PRUNE2: variants seen among roughly 807,000 people sequenced by gnomAD.
PRUNE2 encodes the protein protein prune homolog 2.
Under a neutral mutation model 252.0 loss-of-function variants are expected in PRUNE2, and 164 were observed. The ratio of observed to expected loss-of-function variants is 0.65; its 90% CI spans 0.57 to 0.74. The LOEUF is 0.74. Among genes scored for constraint, PRUNE2 ranks in the 30% least tolerant of loss-of-function variants. The probability of loss-of-function intolerance (pLI) is 0.00; values close to 1 mark genes in which losing one functional copy is unlikely to be tolerated. For missense variants in PRUNE2, 3,495 were observed against 3,711.0 expected, an observed-to-expected ratio of 0.94 and a Z score of 1.51; for synonymous variants, 1,292 against 1,350.2, an observed-to-expected ratio of 0.96 and a Z score of 0.94.
intron 6 of PRUNE2, chr9:76,740,482 G>A (rs1462123585): frequency 6.6e-6 from 1 of 150,856 alleles, no homozygotes; most frequent in East Asian, 2.0e-4. Flanking sequence ...AGGCATTGAA[G>A]GGTCATCTGG....
At chr9:76,830,161 A>G (rs1184629465) in intron 4 of PRUNE2, among the ~76,000 whole-genome samples, 1 of 152,230 alleles carries the variant, frequency 6.6e-6, no homozygotes, top group Non-Finnish European at 1.5e-5. Context: ...GAAAACAACC[A>G]TACTGAAGCA....
intron 3 of PRUNE2, among the ~76,000 whole-genome samples, chr9:76,846,920 G>A (rs1421842499): frequency 1.3e-5 from 2 of 152,116 alleles, no homozygotes; most frequent in African/African-American, 4.8e-5. Flanking sequence ...CCTGTGCTGT[G>A]CTCTTGGAAA....
chr9:76,633,455 T>C (rs1230987298), intron 15 of PRUNE2, among the ~76,000 whole-genome samples: 1 of 151,286 alleles, frequency 6.6e-6, no homozygotes, highest in Non-Finnish European at 1.5e-5. Flanking sequence ...GTGGTACATA[T>C]CTGTGGTCCC....
At chr9:76,768,611 GTGTGTGTGTGTGTA>G (rs1341923940) in intron 6 of PRUNE2, among the ~76,000 whole-genome samples, 4 of 150,478 alleles carry the variant, frequency 2.7e-5, no homozygotes, top group Admixed American at 6.6e-5. Flanking sequence ...GTGTGTGTGT[GTGTGTGTGTGTGTA>G]TATCCCTGCT....
At chr9:76,622,432 A>T (rs1419551626) in intron 17 of PRUNE2, among the ~76,000 whole-genome samples, 1 of 152,236 alleles carries the variant, frequency 6.6e-6, no homozygotes, top group African/African-American at 2.4e-5. Context: ...GCAAGATTTC[A>T]TGGTAATAAT....
At chr9:76,697,170 G>C (rs533617584) in intron 9 of PRUNE2, among the ~76,000 whole-genome samples, 6 of 152,220 alleles carry the variant, frequency 3.9e-5, no homozygotes, top group African/African-American at 1.2e-4. Context: ...CACTAGTTGT[G>C]ATGTTTCAAG....
At chr9:76,731,280 C>CTCTA (rs1182228208) in intron 6 of PRUNE2, among the ~76,000 whole-genome samples, 2,246 of 86,814 alleles carry the variant, frequency 0.026, 57 homozygotes, top group Non-Finnish European at 0.036. Flanking sequence ...TATTCCCTCT[C>CTCTA]TCTATCTATC....
intron 2 of PRUNE2, among the ~76,000 whole-genome samples, chr9:76,852,928 T>C (rs1589592744): frequency 6.6e-6 from 1 of 152,314 alleles, no homozygotes; most frequent in Non-Finnish European, 1.5e-5. Context: ...GTAGTGGTGG[T>C]ATTATTGTTA....
intron 1 of PRUNE2, among the ~76,000 whole-genome samples, chr9:76,857,443 C>G (rs1002420263): frequency 6.6e-6 from 1 of 152,064 alleles, no homozygotes; most frequent in Non-Finnish European, 1.5e-5. Flanking sequence ...GTGGACCAGA[C>G]AGAAAGGGAC....
intron 1 of PRUNE2, among the ~76,000 whole-genome samples, chr9:76,886,948 C>A (rs1007684419): frequency 6.6e-6 from 1 of 152,172 alleles, no homozygotes; most frequent in African/African-American, 2.4e-5. Flanking sequence ...TCATCCTCAT[C>A]ATTAGAGCAC....
intron 1 of PRUNE2, among the ~76,000 whole-genome samples, chr9:76,871,243 T>C (rs1005709257): frequency 1.3e-5 from 2 of 152,264 alleles, no homozygotes; most frequent in Non-Finnish European, 2.9e-5. Context: ...GTTGTATCTG[T>C]ACTGAACATA....
intron 1 of PRUNE2, among the ~76,000 whole-genome samples, chr9:76,872,739 C>A (rs755521115): frequency 7.9e-5 from 12 of 151,780 alleles, no homozygotes; most frequent in Non-Finnish European, 1.8e-4. Context: ...TAAAATATCC[C>A]AGGAAACAAA....
At chr9:76,667,404 G>A (rs1183653089) in intron 9 of PRUNE2, among the ~76,000 whole-genome samples, 2 of 152,202 alleles carry the variant, frequency 1.3e-5, no homozygotes, top group Non-Finnish European at 2.9e-5. Flanking sequence ...GAACTGGCTG[G>A]GCTGGCAGCA....
intron 2 of PRUNE2, among the ~76,000 whole-genome samples, chr9:76,851,665 G>T (rs1001936982): frequency 1.3e-5 from 2 of 151,964 alleles, no homozygotes; most frequent in Non-Finnish European, 2.9e-5. Context: ...AATTCAGAAC[G>T]TCAGTCAGTA....
intron 6 of PRUNE2, among the ~76,000 whole-genome samples, chr9:76,764,863 T>C (rs1306816153): frequency 6.6e-6 from 1 of 152,208 alleles, no homozygotes; most frequent in Non-Finnish European, 1.5e-5. Context: ...TAGAGATTTT[T>C]GTCTGTTTCA....
intron 11 of PRUNE2, chr9:76,652,254 T>C (rs1847687529): frequency 4.3e-6 from 2 of 466,882 alleles, no homozygotes; most frequent in East Asian, 6.5e-5. Flanking sequence ...GCATAAATGC[T>C]AGCACAGAGT....
At position 76,838,014 on chromosome 9, in the gene PRUNE2, G is replaced by A. The variant is rs577022443; in HGVS notation, c.508+8501C>T. Among the ~76,000 whole-genome samples, 206 of 151,998 alleles carry A rather than the reference G, an allele frequency of 1.4e-3. No individual in the cohort carries two copies. The Middle Eastern group carries it at 0.02, about 15-fold the overall frequency. On this transcript the variant is annotated intron_variant, in intron 4 of 18. Coordinates refer to ENST00000376718, the MANE Select transcript of PRUNE2 (RefSeq NM_015225.3). ...TCTCGATCTCCTGACCTCGTGATCTGCCCGCCTCAGCCTCCCAAAATGCTG... is the reference window on the plus strand; with the variant it reads ...TCTCGATCTCCTGACCTCGTGATCTACCCGCCTCAGCCTCCCAAAATGCTG...
intron 6 of PRUNE2, among the ~76,000 whole-genome samples, chr9:76,783,176 G>A (rs867599427): frequency 3.9e-5 from 6 of 151,972 alleles, no homozygotes; most frequent in African/African-American, 7.3e-5. Context: ...CCACTCTGTC[G>A]CCCAGGTTCG....
In PRUNE2 at chr9:76,889,449, T is replaced by C. The variant is rs181435778; in HGVS notation, c.36+16479A>G. Among the ~76,000 whole-genome samples the C allele has an allele frequency of 3.2e-3, 488 of 151,950 alleles. 2 individuals are homozygous for C. The highest frequency in any genetic ancestry group is 0.011 in the African/African-American group (459 of 41,428). On this transcript the variant is annotated intron_variant, in intron 1 of 18. Coordinates refer to ENST00000376718, the MANE Select transcript of PRUNE2 (RefSeq NM_015225.3). Reference sequence around the variant, plus strand: ...AATCCTCTTGCCTCAGCCCCCCAAGTAGCTGAGACTACAGGTGCACACCAC... The same window carrying C: ...AATCCTCTTGCCTCAGCCCCCCAAGCAGCTGAGACTACAGGTGCACACCAC...
Sources: gnomAD v4.1 joint callset for allele counts (sites outside exome capture counted in the v4.1 genomes callset) on GRCh38, gnomAD v4.1.1 for gene constraint, MANE v1.5 for transcripts, NCBI Gene and HGNC (gene_info 2026-07-23, HGNC 2026-07-21) for gene names.